Variants in ATF7IP2 observed in about 807,000 individuals in gnomAD.
ATF7IP2 encodes activating transcription factor 7 interacting protein 2.
A neutral mutation model predicts 64.2 loss-of-function variants in ATF7IP2; 42 were observed. That is an observed-to-expected ratio of 0.65 (90% CI 0.51 to 0.85). The LOEUF (loss-of-function observed/expected upper bound fraction) is 0.85, where lower values mean the gene tolerates loss of function less well. ATF7IP2 is among the 40% of genes least tolerant of loss of function. The pLI is 0.00. For synonymous variants in ATF7IP2, 308 were observed against 272.8 expected (o/e 1.13, Z -1.27); for missense variants, 933 against 784.2 (o/e 1.19, Z -2.27).
intron 8 of ATF7IP2, among the ~76,000 whole-genome samples, chr16:10,455,144 T>A (rs901598399): frequency 1.3e-5 from 2 of 152,230 alleles, no homozygotes; most frequent in Admixed American, 1.3e-4. Flanking sequence ...CATGACCTAA[T>A]TCCCAGAACT....
chr16:10,415,460 C>CTA (rs1304527742), intron 2 of ATF7IP2, among the ~76,000 whole-genome samples: 2 of 152,166 alleles, frequency 1.3e-5, no homozygotes, highest in Non-Finnish European at 2.9e-5. Flanking sequence ...TTATCTCTCA[C>CTA]TATATATAAA....
At chr16:10,400,913 ACCTCAGGTGATCCACCCG>A (rs893797740) in intron 1 of ATF7IP2, among the ~76,000 whole-genome samples, 5 of 151,680 alleles carry the variant, frequency 3.3e-5, no homozygotes, top group African/African-American at 4.8e-5. Context: ...CGAACTCTTA[ACCTCAGGTGATCCACCCG>A]CCTCAGGTGA....
At chr16:10,430,204 AT>A (rs2048199041) in intron 4 of ATF7IP2, among the ~76,000 whole-genome samples, 1 of 152,172 alleles carries the variant, frequency 6.6e-6, no homozygotes, top group African/African-American at 2.4e-5. Context: ...AGATGCCATT[AT>A]GTATAGAAAA....
intron 6 of ATF7IP2, among the ~76,000 whole-genome samples, chr16:10,437,576 C>T (rs1313852540): frequency 6.6e-6 from 1 of 152,046 alleles, no homozygotes; most frequent in Non-Finnish European, 1.5e-5. Flanking sequence ...ACTCATTTGT[C>T]AACAAGGAAA....
intron 9 of ATF7IP2, among the ~76,000 whole-genome samples, chr16:10,460,561 T>TATATGTG (rs2049341827): frequency 6.6e-6 from 1 of 152,188 alleles, no homozygotes; most frequent in South Asian, 2.1e-4. Flanking sequence ...TGTATGTATG[T>TATATGTG]ATATGTGATA....
At chr16:10,419,858 A>AT (rs1567440822) in intron 3 of ATF7IP2, among the ~76,000 whole-genome samples, 1 of 152,136 alleles carries the variant, frequency 6.6e-6, no homozygotes. Context: ...CTGTTTCCCA[A>AT]TTTTTGTTAT....
intron 12 of ATF7IP2, among the ~76,000 whole-genome samples, chr16:10,478,880 G>C (rs2050107314): frequency 1.3e-5 from 2 of 152,160 alleles, no homozygotes; most frequent in African/African-American, 4.8e-5. Flanking sequence ...CATTTATGCA[G>C]CCAAAAAACA....
chr16:10,424,201 G>T (rs563773536), intron 3 of ATF7IP2, among the ~76,000 whole-genome samples: 1 of 152,298 alleles, frequency 6.6e-6, no homozygotes, highest in East Asian at 1.9e-4. Context: ...GTGTTCCCTT[G>T]CCCTAATTCT....
intron 4 of ATF7IP2, among the ~76,000 whole-genome samples, chr16:10,429,397 C>T (rs1390707598): frequency 6.6e-6 from 1 of 152,254 alleles, no homozygotes. Flanking sequence ...GTCATCCAGG[C>T]TGGAGTACAA....
At chr16:10,478,473 C>G (rs1187319688) in intron 12 of ATF7IP2, among the ~76,000 whole-genome samples, 1 of 152,152 alleles carries the variant, frequency 6.6e-6, no homozygotes, top group Admixed American at 6.6e-5. Flanking sequence ...GAAACTGGAT[C>G]CCTTCCTTAC....
At chr16:10,445,736 ACCTCAGGTGAT>A (rs778001707) in intron 8 of ATF7IP2, 4 of 152,216 alleles carry the variant, frequency 2.6e-5, no homozygotes, top group Non-Finnish European at 5.9e-5. Context: ...CGAACTCCCG[ACCTCAGGTGAT>A]CTGCCCACCT....
At chr16:10,440,916 G>A (rs111434984) in intron 8 of ATF7IP2, among the ~76,000 whole-genome samples, 1 of 151,754 alleles carries the variant, frequency 6.6e-6, no homozygotes. Context: ...CCCACCCCCT[G>A]ACAGGCCCTG....
chr16:10,392,338 C>CTT (rs78965141), intron 1 of ATF7IP2, among the ~76,000 whole-genome samples: 4 of 138,088 alleles, frequency 2.9e-5, no homozygotes, highest in Admixed American at 7.4e-5. Context: ...TGCGCCTGGC[C>CTT]TTTTTTTTTT....
intron 1 of ATF7IP2, among the ~76,000 whole-genome samples, chr16:10,401,466 C>A (rs539155151): frequency 1.3e-5 from 2 of 152,084 alleles, no homozygotes; most frequent in Admixed American, 1.3e-4. Flanking sequence ...CTGTGCTTGG[C>A]CTGTTATCTT....
chr16:10,439,726 G>T (rs1175223940), intron 7 of ATF7IP2, among the ~76,000 whole-genome samples: 1 of 148,304 alleles, frequency 6.7e-6, no homozygotes, highest in African/African-American at 2.5e-5. Context: ...TAGAGATGGG[G>T]TTTCTCCATG....
intron 1 of ATF7IP2, among the ~76,000 whole-genome samples, chr16:10,402,738 A>G (rs924272348): frequency 5.3e-5 from 8 of 152,094 alleles, no homozygotes; most frequent in Non-Finnish European, 1.0e-4. Flanking sequence ...TGTTGGGATT[A>G]CAGGCATGCG....
intron 6 of ATF7IP2, among the ~76,000 whole-genome samples, chr16:10,435,132 C>T (rs1378308834): frequency 6.6e-6 from 1 of 152,182 alleles, no homozygotes; most frequent in East Asian, 1.9e-4. Context: ...CTTCTTATTG[C>T]TGTCCAAACA....
intron 12 of ATF7IP2, among the ~76,000 whole-genome samples, chr16:10,479,558 G>A (rs1010779560): frequency 4.6e-5 from 7 of 151,926 alleles, no homozygotes; most frequent in African/African-American, 7.2e-5. Flanking sequence ...GCTAAATGAC[G>A]AGTTAATGGG....
chr16:10,399,500 G>A (rs1417013371), intron 1 of ATF7IP2, among the ~76,000 whole-genome samples: 2 of 152,292 alleles, frequency 1.3e-5, no homozygotes, highest in South Asian at 2.1e-4. Context: ...CTTGGCTGTA[G>A]ATACGTGGCT....
Sources: allele counts gnomAD v4.1 joint callset (sites outside exome capture counted in the v4.1 genomes callset), GRCh38; gene constraint gnomAD v4.1.1; transcripts MANE v1.5; gene names NCBI Gene and HGNC (gene_info 2026-07-23, HGNC 2026-07-21).